KCNB2: variants seen among roughly 807,000 people sequenced by gnomAD.
The protein encoded by KCNB2 is delayed rectifier potassium channel protein.
KCNB2 carries 15 observed loss-of-function variants against 61.5 expected under a neutral mutation model. The ratio of observed to expected loss-of-function variants is 0.24; its 90% CI spans 0.16 to 0.38. The LOEUF is 0.38. KCNB2 is among the 10% of genes least tolerant of loss of function. KCNB2 has a pLI of 1.00. For missense variants in KCNB2, 828 were observed against 1,125.2 expected (o/e 0.74, Z 3.78); for synonymous variants, 457 against 446.0 (o/e 1.02, Z -0.31).
At chr8:72,583,728 C>T (rs1294960275) in intron 2 of KCNB2, among the ~76,000 whole-genome samples, 1 of 152,036 alleles carries the variant, frequency 6.6e-6, no homozygotes, top group Non-Finnish European at 1.5e-5. Flanking sequence ...TGTAATAATT[C>T]TGGAGAGAGA....
intron 2 of KCNB2, among the ~76,000 whole-genome samples, chr8:72,708,276 T>A (rs927670574): frequency 4.6e-5 from 7 of 151,140 alleles, no homozygotes; most frequent in Admixed American, 2.6e-4. Flanking sequence ...ATGTGGCTTC[T>A]TATGAGAATT....
At chr8:72,904,713 T>C (rs1806144594) in intron 2 of KCNB2, among the ~76,000 whole-genome samples, 1 of 152,078 alleles carries the variant, frequency 6.6e-6, no homozygotes, top group Non-Finnish European at 1.5e-5. Context: ...CAACGTTTTA[T>C]TTTTTTAAAT....
At chr8:72,807,069 A>T (rs1193138363) in intron 2 of KCNB2, among the ~76,000 whole-genome samples, 1 of 152,196 alleles carries the variant, frequency 6.6e-6, no homozygotes, top group Non-Finnish European at 1.5e-5. Flanking sequence ...GAGGTTTCCT[A>T]GAGAGGGTGC....
At chr8:72,696,995 G>A (rs1807028281) in intron 2 of KCNB2, among the ~76,000 whole-genome samples, 1 of 152,096 alleles carries the variant, frequency 6.6e-6, no homozygotes, top group African/African-American at 2.4e-5. Flanking sequence ...TCATTCATAT[G>A]CAAGACTAAA....
intron 1 of KCNB2, among the ~76,000 whole-genome samples, chr8:72,539,202 A>T (rs1005057408): frequency 6.6e-6 from 1 of 152,174 alleles, no homozygotes; most frequent in African/African-American, 2.4e-5. Flanking sequence ...CAGTTTAGTA[A>T]TTTGGCACAT....
At chr8:72,540,420 A>C (rs1228420911) in intron 1 of KCNB2, among the ~76,000 whole-genome samples, 2 of 152,166 alleles carry the variant, frequency 1.3e-5, no homozygotes, top group Non-Finnish European at 2.9e-5. Context: ...CGAGATTTCT[A>C]TTATTTTCAC....
intron 2 of KCNB2, among the ~76,000 whole-genome samples, chr8:72,779,369 C>A (rs1808717543): frequency 6.6e-6 from 1 of 152,146 alleles, no homozygotes; most frequent in Admixed American, 6.5e-5. Context: ...TATTTGCATG[C>A]AGGACAGCTT....
intron 2 of KCNB2, among the ~76,000 whole-genome samples, chr8:72,617,506 A>G (rs1485578028): frequency 6.6e-6 from 1 of 151,734 alleles, no homozygotes; most frequent in Admixed American, 6.6e-5. Flanking sequence ...ATCAACTTCC[A>G]TGCCCTGAAA....
intron 2 of KCNB2, among the ~76,000 whole-genome samples, chr8:72,815,260 G>A (rs1355033151): frequency 6.6e-6 from 1 of 151,932 alleles, no homozygotes; most frequent in Admixed American, 6.6e-5. Context: ...ACGGTTTCTG[G>A]GAAGTTACTT....
intron 2 of KCNB2, among the ~76,000 whole-genome samples, chr8:72,577,660 TG>T (rs2128979961): frequency 6.6e-6 from 1 of 152,320 alleles, no homozygotes; most frequent in South Asian, 2.1e-4. Flanking sequence ...TCTCTCTCAT[TG>T]GGTCACTCGT....
intron 2 of KCNB2, among the ~76,000 whole-genome samples, chr8:72,746,614 C>T (rs1808073897): frequency 1.3e-5 from 2 of 152,084 alleles, no homozygotes; most frequent in Admixed American, 6.6e-5. Flanking sequence ...TTGAGCAATA[C>T]ACAGAAACTG....
intron 2 of KCNB2, among the ~76,000 whole-genome samples, chr8:72,772,135 G>A (rs1388266932): frequency 1.3e-5 from 2 of 152,164 alleles, no homozygotes; most frequent in Non-Finnish European, 2.9e-5. Context: ...ATCAAAGGCA[G>A]AGCAGTCTAA....
intron 2 of KCNB2, among the ~76,000 whole-genome samples, chr8:72,852,646 G>T (rs1392429090): frequency 6.6e-6 from 1 of 152,136 alleles, no homozygotes; most frequent in Non-Finnish European, 1.5e-5. Flanking sequence ...TGCACAGGAT[G>T]GCAGGGATAC....
chr8:72,938,313 A>G lies in KCNB2; in HGVS notation c.*222A>G, dbSNP rs1423624628. On this transcript the variant is annotated 3_prime_UTR_variant, in exon 3 of 3. Coordinates refer to ENST00000523207, the MANE Select transcript of KCNB2 (RefSeq NM_004770.3). ...ACAAACCAACAAAAATGACTGAAGA[A>G]CAGTGAACAAATAAAAAGAGCTCTA... is the stretch of plus-strand genomic sequence containing the variant. The G allele has an allele frequency of 8.4e-6, 4 of 476,672 alleles. No homozygotes were observed. In the East Asian group the frequency reaches 1.0e-4, roughly 12 times the overall value. 29.5% of individuals were successfully genotyped at this position (476,672 alleles called of 1,614,324 possible).
Position 72,747,117 on chromosome 8 carries a change from A to G in KCNB2, c.579+178804A>G, listed in dbSNP as rs557127623. On this transcript the variant is annotated intron_variant, in intron 2 of 2. Coordinates refer to ENST00000523207, the MANE Select transcript of KCNB2 (RefSeq NM_004770.3). ...TCCCTAGAAATGGAAGGCATGACAC[A>G]TATTTCACCACCACAAAGGGAAGCC... Among the ~76,000 whole-genome samples, 3 of 152,286 alleles carry G rather than the reference A, an allele frequency of 2.0e-5. No individual in the cohort carries two copies. The South Asian group carries it at 6.2e-4, about 32-fold the overall frequency.
chr8:72,810,567 G>A (rs10957619), intron 2 of KCNB2, among the ~76,000 whole-genome samples: 45,359 of 152,056 alleles, frequency 0.3, 7,132 homozygotes, highest in South Asian at 0.51. Context: ...TTCACTGCCA[G>A]TGTCCTTAAG....
intron 2 of KCNB2, among the ~76,000 whole-genome samples, chr8:72,743,735 A>G (rs1325811575): frequency 2.0e-5 from 3 of 152,226 alleles, no homozygotes; most frequent in Non-Finnish European, 4.4e-5. Flanking sequence ...ATTATGACAT[A>G]TTGTATATAT....
chr8:72,632,189 T>A (rs568357304), intron 2 of KCNB2, among the ~76,000 whole-genome samples: 1 of 152,092 alleles, frequency 6.6e-6, no homozygotes, highest in Non-Finnish European at 1.5e-5. Flanking sequence ...GAGGCTGCAG[T>A]GAGCTGTCTA....
chr8:72,897,465 T>C (rs13250827), intron 2 of KCNB2, among the ~76,000 whole-genome samples: 56,311 of 151,884 alleles, frequency 0.37, 11,852 homozygotes, highest in African/African-American at 0.57. Context: ...AATTATACAC[T>C]GAATATTTCA....
Sources: gnomAD v4.1 joint callset for allele counts (sites outside exome capture counted in the v4.1 genomes callset) on GRCh38, gnomAD v4.1.1 for gene constraint, MANE v1.5 for transcripts, NCBI Gene and HGNC (gene_info 2026-07-23, HGNC 2026-07-21) for gene names.